The following CATSPERE variants were observed in gnomAD, a reference collection of about 807,000 sequenced individuals.
The protein encoded by CATSPERE is catsper channel auxiliary subunit epsilon.
CATSPERE carries 93 observed loss-of-function variants against 114.1 expected under a neutral mutation model. The ratio of observed to expected loss-of-function variants is 0.81; its 90% CI spans 0.69 to 0.97. The LOEUF is 0.97. Among genes scored for constraint, CATSPERE ranks in the 50% least tolerant of loss-of-function variants. CATSPERE has a pLI of 0.00. For synonymous variants in CATSPERE, 341 were observed against 384.1 expected (o/e 0.89, Z 1.31); for missense variants, 1,058 against 1,131.6 (o/e 0.93, Z 0.93).
upstream of CATSPERE, among the ~76,000 whole-genome samples, chr1:244,460,526 T>A (rs895119073): frequency 6.6e-6 from 1 of 152,248 alleles, no homozygotes; most frequent in Non-Finnish European, 1.5e-5. Context: ...CCTTAAAAAC[T>A]GTGCTCCCCA....
At chr1:244,507,457 T>A (rs377559719) in intron 7 of CATSPERE, among the ~76,000 whole-genome samples, 1 of 152,334 alleles carries the variant, frequency 6.6e-6, no homozygotes, top group South Asian at 2.1e-4. Context: ...TCATTGATTG[T>A]TTCCTTTGCT....
rs1002135874 is a variant in CATSPERE, at chr1:244,490,885, GA to G, written c.351+422del. 1.6e-4 allele frequency among the ~76,000 whole-genome samples: 25 copies of G among 151,578 alleles called. No homozygotes were observed. In the East Asian group the frequency reaches 4.1e-3, roughly 25 times the overall value. Reference sequence around the variant, plus strand: ...CATATAATAAATTTACCATAGTCTTGAAAAAAAATTATCTTTAAATGTTCTC... The same window carrying G: ...CATATAATAAATTTACCATAGTCTTGAAAAAAATTATCTTTAAATGTTCTC... On this transcript the variant is annotated intron_variant, in intron 6 of 21. Coordinates refer to ENST00000366534, the MANE Select transcript of CATSPERE (RefSeq NM_001130957.2).
At chr1:244,468,381 C>T (rs1030330854) in intron 2 of CATSPERE, among the ~76,000 whole-genome samples, 6 of 152,078 alleles carry the variant, frequency 3.9e-5, no homozygotes, top group Non-Finnish European at 8.8e-5. Flanking sequence ...CGTGAACCAC[C>T]ACACCCAGCC....
intron 2 of CATSPERE, among the ~76,000 whole-genome samples, chr1:244,466,085 A>G (rs1445545863): frequency 2.0e-5 from 3 of 152,220 alleles, no homozygotes; most frequent in African/African-American, 7.2e-5. Flanking sequence ...GTCTACAGAA[A>G]AAAGTTTTTG....
chr1:244,510,793 G>GT (rs1269250454), intron 7 of CATSPERE, among the ~76,000 whole-genome samples: 7 of 141,342 alleles, frequency 5.0e-5, no homozygotes, highest in African/African-American at 1.8e-4. Flanking sequence ...GGTGTGTTGA[G>GT]TGCATATAAC....
chr1:244,478,099 G>T, intron 4 of CATSPERE, 124 bp downstream of exon 4: 1 of 596,306 alleles, frequency 1.7e-6, no homozygotes, highest in Middle Eastern at 3.4e-4. Flanking sequence ...AGTATTAATT[G>T]TTAACTATAA....
At chr1:244,479,692 C>A in intron 4 of CATSPERE, 25 bp from the exon 5 acceptor site, 1 of 1,458,542 alleles carries the variant, frequency 6.9e-7, no homozygotes, top group African/African-American at 1.4e-5. Flanking sequence ...TAATATATCA[C>A]AGTTTCTTTT....
chr1:244,496,434 G>C (rs941278676), intron 6 of CATSPERE, among the ~76,000 whole-genome samples: 1 of 152,162 alleles, frequency 6.6e-6, no homozygotes, highest in Admixed American at 6.5e-5. Flanking sequence ...GACTTGGCTG[G>C]GATGAGGTGA....
chr1:244,596,553 AAAGAAAAAGAATCCTGTAT>A (rs1273223020), intron 17 of CATSPERE, among the ~76,000 whole-genome samples: 2 of 152,176 alleles, frequency 1.3e-5, no homozygotes, highest in Non-Finnish European at 2.9e-5. Flanking sequence ...CAACAAGGAC[AAAGAAAAAGAATCCTGTAT>A]AAGAAAATTA....
chr1:244,562,668 AAATT>A (rs1229420143), intron 10 of CATSPERE, among the ~76,000 whole-genome samples: 3 of 152,096 alleles, frequency 2.0e-5, no homozygotes, highest in Non-Finnish European at 4.4e-5. Context: ...CTAGTTTCAC[AAATT>A]TATTGGCCAT....
intron 8 of CATSPERE, among the ~76,000 whole-genome samples, chr1:244,531,913 C>A (rs1679673381): frequency 6.6e-6 from 1 of 152,134 alleles, no homozygotes. Context: ...GGTATTAGTT[C>A]TTTAAATGTT....
At chr1:244,629,370 C>A (rs971332220) in intron 20 of CATSPERE, among the ~76,000 whole-genome samples, 9 of 152,142 alleles carry the variant, frequency 5.9e-5, no homozygotes, top group Non-Finnish European at 1.2e-4. Flanking sequence ...TACATGTTGC[C>A]TCCAAAATCC....
At chr1:244,514,082 A>G (rs1461775229) in intron 7 of CATSPERE, among the ~76,000 whole-genome samples, 2 of 152,190 alleles carry the variant, frequency 1.3e-5, no homozygotes, top group Admixed American at 1.3e-4. Flanking sequence ...TTTGAGGCAC[A>G]GAAGTTTTTA....
At chr1:244,499,507 C>G (rs527493359) in intron 7 of CATSPERE, among the ~76,000 whole-genome samples, 1 of 135,594 alleles carries the variant, frequency 7.4e-6, no homozygotes, top group Non-Finnish European at 1.6e-5. Context: ...CCCCACCCCT[C>G]GACAGGCCAT....
chr1:244,477,778 A>C, intron 3 of CATSPERE, 128 bp from the exon 4 acceptor site: 2 of 953,412 alleles, frequency 2.1e-6, no homozygotes, highest in South Asian at 3.3e-5. Context: ...GAAGTAAAAT[A>C]TTGCAAATAT....
At chr1:244,510,835 C>CTTTTTTTTTTTTTTTTTTTTTTTTTTAT in intron 7 of CATSPERE, among the ~76,000 whole-genome samples, 1 of 48,342 alleles carries the variant, frequency 2.1e-5, no homozygotes, top group Non-Finnish European at 4.0e-5. Context: ...TTTTCTTTTT[C>CTTTTTTTTTTTTTTTTTTTTTTTTTTAT]TTTTTTTTTT....
At chr1:244,480,636 G>GGGAC (rs772282514) in intron 5 of CATSPERE, among the ~76,000 whole-genome samples, 1 of 151,430 alleles carries the variant, frequency 6.6e-6, no homozygotes, top group East Asian at 2.0e-4. Context: ...AAGCATGGTT[G>GGGAC]TTGCTGATAG....
At chr1:244,461,614 C>T (rs1303269674) in intron 1 of CATSPERE, 120 bp downstream of exon 1, 11 of 736,328 alleles carry the variant, frequency 1.5e-5, no homozygotes, top group Non-Finnish European at 2.1e-5. Context: ...CCGACCACTG[C>T]CTCGTCTCCT....
chr1:244,521,764 G>T (rs369361343), intron 8 of CATSPERE, among the ~76,000 whole-genome samples: 1 of 152,086 alleles, frequency 6.6e-6, no homozygotes, highest in African/African-American at 2.4e-5. Flanking sequence ...GTAAACATTT[G>T]ATAAATTCAG....
Sources: gnomAD v4.1 joint callset for allele counts (sites outside exome capture counted in the v4.1 genomes callset) on GRCh38, gnomAD v4.1.1 for gene constraint, MANE v1.5 for transcripts, NCBI Gene and HGNC (gene_info 2026-07-23, HGNC 2026-07-21) for gene names.